MARCHF3: variants seen among roughly 807,000 people sequenced by gnomAD.
MARCHF3 encodes the protein membrane associated ring-CH-type finger 3, also known as E3 ubiquitin-protein ligase MARCHF3.
Under a neutral mutation model 24.2 loss-of-function variants are expected in MARCHF3, and 13 were observed. The ratio of observed to expected loss-of-function variants is 0.54; its 90% confidence interval spans 0.35 to 0.85. The LOEUF (loss-of-function observed/expected upper bound fraction) is 0.85, where lower values mean the gene tolerates loss of function less well. Ranked by LOEUF, MARCHF3 falls within the 40% of genes least tolerant of loss-of-function variation. MARCHF3 has a pLI of 0.01. For missense variants in MARCHF3, 276 were observed against 325.0 expected (o/e 0.85, Z 1.16); for synonymous variants, 144 against 137.3 (o/e 1.05, Z -0.34).
intron 1 of MARCHF3, among the ~76,000 whole-genome samples, chr5:126,956,805 G>C (rs911662563): frequency 1.3e-5 from 2 of 151,926 alleles, no homozygotes; most frequent in African/African-American, 4.8e-5. Context: ...TCCATTTTCT[G>C]TGAACATTTT....
chr5:126,941,590 C>G (rs1749832723), intron 1 of MARCHF3, among the ~76,000 whole-genome samples: 1 of 152,158 alleles, frequency 6.6e-6, no homozygotes, highest in African/African-American at 2.4e-5. Flanking sequence ...CTGAATAAAG[C>G]AGAACTGACT....
At chr5:127,004,327 G>C (rs143983316) in intron 1 of MARCHF3, among the ~76,000 whole-genome samples, 64 of 152,212 alleles carry the variant, frequency 4.2e-4, no homozygotes, top group African/African-American at 1.5e-3. Flanking sequence ...GCCCATTTCC[G>C]TGTGCTGCTC....
Position 126,951,134 on chromosome 5 carries a change from C to T in MARCHF3, c.-56-32907G>A, listed in dbSNP as rs150017664. 8.4e-4 allele frequency among the ~76,000 whole-genome samples: 128 copies of T among 152,308 alleles called. 1 individual carries two copies. Among genetic ancestry groups the T allele is most frequent in the Non-Finnish European group, 1.4e-3 (96 of 68,024 alleles). ...CAACAGTCCTCATCTTACTTGACCT[C>T]GCCACAGCATATGATCTCATTGTTT... On this transcript the variant is annotated intron_variant, in intron 1 of 4. Transcript: ENST00000308660.
chr5:126,941,136 G>A (rs1291878923), intron 1 of MARCHF3, among the ~76,000 whole-genome samples: 1 of 152,194 alleles, frequency 6.6e-6, no homozygotes, highest in African/African-American at 2.4e-5. Context: ...TTGAGCCTGA[G>A]TTATCATTTG....
At chr5:127,013,071 T>A (rs1446052870) in intron 1 of MARCHF3, among the ~76,000 whole-genome samples, 1 of 152,190 alleles carries the variant, frequency 6.6e-6, no homozygotes, top group South Asian at 2.1e-4. Context: ...AAGCAGTTGC[T>A]TTCTAGTGGA....
intron 1 of MARCHF3, among the ~76,000 whole-genome samples, chr5:126,924,629 A>G (rs1749234077): frequency 6.6e-6 from 1 of 152,238 alleles, no homozygotes; most frequent in South Asian, 2.1e-4. Context: ...GAAGGTAGGA[A>G]ATCACAAAGT....
At chr5:126,896,828 T>C (rs1182131995) in intron 3 of MARCHF3, among the ~76,000 whole-genome samples, 1 of 152,044 alleles carries the variant, frequency 6.6e-6, no homozygotes, top group Admixed American at 6.6e-5. Flanking sequence ...TTAGGGGTAT[T>C]TGACTTAGGT....
intron 3 of MARCHF3, among the ~76,000 whole-genome samples, chr5:126,897,351 G>A (rs61463824): frequency 0.02 from 3,102 of 151,956 alleles, 80 homozygotes; most frequent in South Asian, 0.11. Context: ...GAAATTTAAG[G>A]ATGCGGATTT....
At chr5:126,957,426 C>A (rs1750486537) in intron 1 of MARCHF3, among the ~76,000 whole-genome samples, 1 of 152,100 alleles carries the variant, frequency 6.6e-6, no homozygotes, top group South Asian at 2.1e-4. Context: ...CCTGTACTTC[C>A]AAGTGCAGAT....
intron 1 of MARCHF3, among the ~76,000 whole-genome samples, chr5:126,991,483 C>A (rs113309544): frequency 0.052 from 7,844 of 152,140 alleles, 375 homozygotes; most frequent in South Asian, 0.14. Flanking sequence ...ACCAACATGG[C>A]ACATGTATAC....
intron 1 of MARCHF3, among the ~76,000 whole-genome samples, chr5:126,935,594 T>C (rs531177315): frequency 6.8e-6 from 1 of 147,474 alleles, no homozygotes; most frequent in Non-Finnish European, 1.5e-5. Flanking sequence ...TACGAATGTA[T>C]ATATGGCTTT....
intron 1 of MARCHF3, among the ~76,000 whole-genome samples, chr5:126,973,448 T>C (rs1007276311): frequency 1.2e-4 from 18 of 152,234 alleles, no homozygotes; most frequent in East Asian, 3.8e-4. Flanking sequence ...TCCAGAAGTA[T>C]AGCTTCCACC....
chr5:126,988,616 G>A (rs1751643989), intron 1 of MARCHF3, among the ~76,000 whole-genome samples: 1 of 152,044 alleles, frequency 6.6e-6, no homozygotes, highest in African/African-American at 2.4e-5. Context: ...AAGAAATTGA[G>A]GTTTAAAACT....
chr5:126,979,806 G>A (rs755237158), intron 1 of MARCHF3, among the ~76,000 whole-genome samples: 1 of 151,910 alleles, frequency 6.6e-6, no homozygotes, highest in Admixed American at 6.6e-5. Context: ...AAATTAGTCA[G>A]GTTTGGTGGT....
At chr5:126,918,877 T>C (rs1028509011) in intron 1 of MARCHF3, among the ~76,000 whole-genome samples, 2 of 152,238 alleles carry the variant, frequency 1.3e-5, no homozygotes, top group East Asian at 3.9e-4. Context: ...ATGGAACCTA[T>C]TTTAGCTTTG....
chr5:126,902,797 C>T (rs998318042), intron 3 of MARCHF3, among the ~76,000 whole-genome samples: 31 of 152,038 alleles, frequency 2.0e-4, no homozygotes, highest in African/African-American at 6.5e-4. Context: ...CAAGACTGGA[C>T]GACTGCAGGA....
chr5:126,980,692 C>T (rs1329992918), intron 1 of MARCHF3, among the ~76,000 whole-genome samples: 2 of 152,076 alleles, frequency 1.3e-5, no homozygotes, highest in African/African-American at 4.8e-5. Context: ...AAAACCCCAG[C>T]ACAGGCCAAA....
chr5:126,922,087 G>A (rs1749127470), intron 1 of MARCHF3, among the ~76,000 whole-genome samples: 1 of 152,208 alleles, frequency 6.6e-6, no homozygotes, highest in Non-Finnish European at 1.5e-5. Flanking sequence ...ATTTCCATGG[G>A]AACATGGCTG....
At chr5:126,899,589 C>T (rs867152891) in intron 3 of MARCHF3, among the ~76,000 whole-genome samples, 1 of 152,004 alleles carries the variant, frequency 6.6e-6, no homozygotes, top group Non-Finnish European at 1.5e-5. Flanking sequence ...AAAAGAAAGG[C>T]TATGTAAAGT....
Sources: gnomAD v4.1 joint callset for allele counts (sites outside exome capture counted in the v4.1 genomes callset) on GRCh38, gnomAD v4.1.1 for gene constraint, MANE v1.5 for transcripts, NCBI Gene and HGNC (gene_info 2026-07-23, HGNC 2026-07-21) for gene names.